The following KLHL29 variants were observed in gnomAD, a reference collection of about 807,000 sequenced individuals.
KLHL29 encodes the protein kelch like family member 29.
In KLHL29, 21 loss-of-function variants were observed where a neutral mutation model predicts 80.4. The ratio of observed to expected loss-of-function variants is 0.26; its 90% CI spans 0.19 to 0.38. The LOEUF is 0.38. KLHL29 is among the 10% of genes least tolerant of loss of function. The probability of loss-of-function intolerance (pLI) is 1.00; values close to 1 mark genes in which losing one functional copy is unlikely to be tolerated. For synonymous variants in KLHL29, 511 were observed against 526.8 expected, an observed-to-expected ratio of 0.97 and a Z score of 0.41; for missense variants, 867 against 1,223.9, an observed-to-expected ratio of 0.71 and a Z score of 4.35.
At chr2:23,463,437 T>G (rs1268678077) in intron 1 of KLHL29, among the ~76,000 whole-genome samples, 4 of 152,186 alleles carry the variant, frequency 2.6e-5, no homozygotes, top group African/African-American at 9.7e-5. Flanking sequence ...AGGCAACACC[T>G]TGTTGAGGGC....
At chr2:23,702,627 A>G (rs1260919092) in intron 11 of KLHL29, among the ~76,000 whole-genome samples, 1 of 152,160 alleles carries the variant, frequency 6.6e-6, no homozygotes, top group Non-Finnish European at 1.5e-5. Flanking sequence ...CGCCTCCAGA[A>G]AGCTAATATG....
intron 3 of KLHL29, among the ~76,000 whole-genome samples, chr2:23,565,940 G>A (rs111324191): frequency 4.5e-4 from 68 of 152,314 alleles, no homozygotes; most frequent in Non-Finnish European, 8.2e-4. Context: ...GGGGGCTGGG[G>A]CATCCCATGC....
At chr2:23,583,816 C>T (rs945427033) in intron 3 of KLHL29, among the ~76,000 whole-genome samples, 3 of 152,194 alleles carry the variant, frequency 2.0e-5, no homozygotes, top group African/African-American at 7.2e-5. Context: ...AATAAAAGCT[C>T]CAAGCCCCAA....
At chr2:23,567,422 C>T (rs1440493140) in intron 3 of KLHL29, among the ~76,000 whole-genome samples, 2 of 151,864 alleles carry the variant, frequency 1.3e-5, no homozygotes, top group East Asian at 1.9e-4. Flanking sequence ...GTCGGAGGCC[C>T]GAGAAGAACC....
intron 2 of KLHL29, among the ~76,000 whole-genome samples, chr2:23,541,842 A>G (rs1316362087): frequency 3.3e-5 from 5 of 150,834 alleles, no homozygotes; most frequent in African/African-American, 9.8e-5. Context: ...CTTGTGTGAG[A>G]TGATTTGTGG....
chr2:23,615,129 C>G (rs530057048), intron 3 of KLHL29, among the ~76,000 whole-genome samples: 2 of 152,208 alleles, frequency 1.3e-5, no homozygotes, highest in Non-Finnish European at 2.9e-5. Context: ...GAACCTGGTG[C>G]CTGGGGAGCA....
At chr2:23,565,036 T>C (rs566127486) in intron 3 of KLHL29, among the ~76,000 whole-genome samples, 1 of 152,204 alleles carries the variant, frequency 6.6e-6, no homozygotes, top group African/African-American at 2.4e-5. Context: ...GTCGTTGTAC[T>C]TGCGAGCAGA....
intron 2 of KLHL29, among the ~76,000 whole-genome samples, chr2:23,484,098 G>A (rs1210480177): frequency 6.6e-6 from 1 of 152,130 alleles, no homozygotes; most frequent in Non-Finnish European, 1.5e-5. Flanking sequence ...TAAAGACCAT[G>A]AGTCAACCAG....
At chr2:23,620,963 C>T (rs941830005) in intron 3 of KLHL29, among the ~76,000 whole-genome samples, 3 of 152,244 alleles carry the variant, frequency 2.0e-5, no homozygotes, top group South Asian at 2.1e-4. Flanking sequence ...CATGGGAAGC[C>T]GGACTCCCGT....
At chr2:23,509,145 A>G (rs1665695653) in intron 2 of KLHL29, among the ~76,000 whole-genome samples, 3 of 152,194 alleles carry the variant, frequency 2.0e-5, no homozygotes, top group Non-Finnish European at 4.4e-5. Flanking sequence ...GATATTCTAC[A>G]CAAGAGAAGG....
At chr2:23,677,480 C>G (rs1193990552) in intron 5 of KLHL29, among the ~76,000 whole-genome samples, 2 of 152,240 alleles carry the variant, frequency 1.3e-5, no homozygotes, top group Non-Finnish European at 2.9e-5. Context: ...TGCATAGGGC[C>G]TCAGGTGTCA....
chr2:23,542,315 G>T (rs1286091263), intron 2 of KLHL29, among the ~76,000 whole-genome samples: 1 of 152,170 alleles, frequency 6.6e-6, no homozygotes, highest in Non-Finnish European at 1.5e-5. Flanking sequence ...AGACCCACCT[G>T]CCTGGAAAAT....
chr2:23,497,487 A>T (rs1665304902), intron 2 of KLHL29, among the ~76,000 whole-genome samples: 1 of 152,122 alleles, frequency 6.6e-6, no homozygotes, highest in Non-Finnish European at 1.5e-5. Flanking sequence ...TGCAATAATC[A>T]TTTGGTCAAG....
At chr2:23,694,094 C>T (rs1192740092) in intron 8 of KLHL29, among the ~76,000 whole-genome samples, 1 of 152,238 alleles carries the variant, frequency 6.6e-6, no homozygotes, top group Non-Finnish European at 1.5e-5. Context: ...GTCCCTATGA[C>T]TCCCAGATCT....
In KLHL29 at chr2:23,706,517, A is replaced by T; in HGVS notation, c.2481A>T (p.Gly827=). The change falls in exon 14 of 14, where the codon GGA becomes GGT. Residue 827 remains glycine (G), a synonymous_variant. Transcript: ENST00000486442. ...TTGATGGCAAGATTTATGCAACTGG[A>T]GGTATTGTCAGCAGTGAAGGGCCCG... ...VVLDGKIYAT[G]GIVSSEGPAL... 1 of 1,535,010 alleles carries T rather than the reference A, an allele frequency of 6.5e-7. No homozygotes were observed. The highest frequency in any genetic ancestry group is 2.0e-5 in the Admixed American group (1 of 50,716).
At chr2:23,702,267 C>T (rs1179559589) in intron 11 of KLHL29, among the ~76,000 whole-genome samples, 1 of 152,208 alleles carries the variant, frequency 6.6e-6, no homozygotes, top group African/African-American at 2.4e-5. Context: ...ACCTGCCCTA[C>T]TGAACATCAT....
chr2:23,615,320 G>C (rs1041441378), intron 3 of KLHL29, among the ~76,000 whole-genome samples: 1 of 152,104 alleles, frequency 6.6e-6, no homozygotes, highest in African/African-American at 2.4e-5. Flanking sequence ...TCACTGAACC[G>C]GGTGCTGCCA....
At chr2:23,683,679 C>A (rs952477949) in intron 5 of KLHL29, among the ~76,000 whole-genome samples, 1 of 152,210 alleles carries the variant, frequency 6.6e-6, no homozygotes, top group Non-Finnish European at 1.5e-5. Flanking sequence ...ATCTGCCGGG[C>A]TGTAAAGCAG....
At chr2:23,449,951 G>A (rs187314130) in intron 1 of KLHL29, among the ~76,000 whole-genome samples, 37 of 152,300 alleles carry the variant, frequency 2.4e-4, no homozygotes, top group Admixed American at 7.2e-4. Context: ...GCTTTATTCT[G>A]TGCTCAAGCC....
Sources: gnomAD v4.1 joint callset for allele counts (sites outside exome capture counted in the v4.1 genomes callset) on GRCh38, gnomAD v4.1.1 for gene constraint, MANE v1.5 for transcripts, NCBI Gene and HGNC (gene_info 2026-07-23, HGNC 2026-07-21) for gene names.